Variants in IQGAP2 observed in about 807,000 individuals in gnomAD.
IQGAP2 encodes IQ motif containing GTPase activating protein 2.
Under a neutral mutation model 201.3 loss-of-function variants are expected in IQGAP2, and 173 were observed. The observed-to-expected ratio is 0.86, with a 90% CI of 0.76 to 0.98. The LOEUF (loss-of-function observed/expected upper bound fraction) is 0.98. IQGAP2 is among the 50% of genes least tolerant of loss of function. The probability of loss-of-function intolerance (pLI) is 0.00; values close to 1 mark genes in which losing one functional copy is unlikely to be tolerated. For synonymous variants in IQGAP2, 675 were observed against 673.9 expected, an observed-to-expected ratio of 1.00 and a Z score of -0.03; for missense variants, 1,687 against 1,864.8, an observed-to-expected ratio of 0.90 and a Z score of 1.76.
At chr5:76,635,291 A>C (rs896884150) in intron 15 of IQGAP2, among the ~76,000 whole-genome samples, 7 of 152,248 alleles carry the variant, frequency 4.6e-5, no homozygotes, top group Non-Finnish European at 5.9e-5. Flanking sequence ...GTTCTAACTT[A>C]GACTAAGCTA....
At chr5:76,488,683 C>T (rs914151020) in intron 2 of IQGAP2, among the ~76,000 whole-genome samples, 3 of 152,122 alleles carry the variant, frequency 2.0e-5, no homozygotes, top group African/African-American at 4.8e-5. Context: ...AAGGGAGGTA[C>T]GAAGATACAA....
chr5:76,644,409 C>CATGCCTCA (rs1751864241), intron 17 of IQGAP2, among the ~76,000 whole-genome samples: 3 of 148,972 alleles, frequency 2.0e-5, no homozygotes. Context: ...AAGTGATTCT[C>CATGCCTCA]ATGCCTCAGC....
Position 76,672,037 on chromosome 5 carries a change from A to G in IQGAP2, c.3068+54A>G, listed in dbSNP as rs35919076. 222,164 of 1,328,638 alleles carry G rather than the reference A, an allele frequency of 0.17. 19,880 individuals carry two copies. Among genetic ancestry groups the G allele is most frequent in the Middle Eastern group, 0.22 (1,150 of 5,256 alleles). 82.3% of individuals were successfully genotyped at this position (1,328,638 alleles called of 1,614,324 possible). On this transcript the variant is annotated intron_variant, in intron 24 of 35. Coordinates refer to ENST00000274364, the MANE Select transcript of IQGAP2 (RefSeq NM_006633.5). ...CTGTTATGTTTTATGATATTTTTAC[A>G]TGTGTATTTATTGATACTCTTAAAC...
intron 29 of IQGAP2, 96 bp downstream of exon 29, chr5:76,683,313 T>C (rs1020866637): frequency 1.4e-6 from 1 of 719,712 alleles, no homozygotes; most frequent in East Asian, 2.8e-5. Context: ...GATAAAACAA[T>C]TATTTTGGAA....
chr5:76,678,933 C>T (rs1273839770), intron 28 of IQGAP2, among the ~76,000 whole-genome samples: 2 of 152,146 alleles, frequency 1.3e-5, no homozygotes, highest in Non-Finnish European at 2.9e-5. Context: ...TTACATCAAG[C>T]TCTCAATACA....
At chr5:76,436,994 A>G (rs1274463334) in intron 1 of IQGAP2, among the ~76,000 whole-genome samples, 1 of 151,922 alleles carries the variant, frequency 6.6e-6, no homozygotes, top group Non-Finnish European at 1.5e-5. Context: ...TTATTGGCTT[A>G]TGTATGTTAA....
intron 2 of IQGAP2, among the ~76,000 whole-genome samples, chr5:76,493,189 G>A (rs756073735): frequency 5.9e-5 from 9 of 151,900 alleles, no homozygotes; most frequent in Admixed American, 1.3e-4. Context: ...GTCAGATCGC[G>A]TCACTTCTCT....
intron 1 of IQGAP2, among the ~76,000 whole-genome samples, chr5:76,438,031 GTTTGT>G (rs1752810314): frequency 6.4e-4 from 35 of 54,658 alleles, no homozygotes; most frequent in African/African-American, 1.4e-3. Flanking sequence ...TTTTTTTTTT[GTTTGT>G]TTTTTTTTTT....
At chr5:76,510,561 T>C (rs544889031) in intron 2 of IQGAP2, 130 of 458,624 alleles carry the variant, frequency 2.8e-4, no homozygotes, top group African/African-American at 2.2e-3. Flanking sequence ...GTATAGAGTC[T>C]CATGGACACG....
intron 13 of IQGAP2, chr5:76,618,171 C>G: frequency 6.2e-7 from 1 of 1,614,158 alleles, no homozygotes; most frequent in Non-Finnish European, 8.5e-7. Flanking sequence ...CAGAATGGAG[C>G]AGTACATGTT....
rs185892063 is a variant in IQGAP2 at position 76,508,848 on chromosome 5, G to T, written c.146+47179G>T. ...GTTCCACAAAATGACAAAACCATGC[G>T]GTCCCTTTTTTCTACCTGTTAATTT... is the stretch of plus-strand genomic sequence containing the variant. On this transcript the variant is annotated intron_variant, in intron 2 of 35. Coordinates refer to ENST00000274364, the MANE Select transcript of IQGAP2 (RefSeq NM_006633.5). Among the ~76,000 whole-genome samples, 44 of 152,096 alleles carry T rather than the reference G, an allele frequency of 2.9e-4. No homozygotes were observed. The South Asian group carries it at 8.3e-3, about 29-fold the overall frequency.
chr5:76,441,586 G>T (rs547701301), intron 1 of IQGAP2: 1 of 872,186 alleles, frequency 1.1e-6, no homozygotes, highest in Non-Finnish European at 1.4e-6. Flanking sequence ...GAATCTCAGC[G>T]GTATGTTTGG....
In IQGAP2 at chr5:76,522,729, T is replaced by C. The variant is rs115120162; in HGVS notation, c.147-39667T>C. 3.3e-3 allele frequency among the ~76,000 whole-genome samples: 503 copies of C among 152,308 alleles called. 2 individuals carry two copies. The highest frequency in any genetic ancestry group is 0.012 in the African/African-American group (482 of 41,556). On this transcript the variant is annotated intron_variant, in intron 2 of 35. Coordinates refer to ENST00000274364, the MANE Select transcript of IQGAP2 (RefSeq NM_006633.5). ...CCTATGTACCTTGATAGAGCAGAGATAGTATGGTAGAGTAGAAAGATCAAT... is the reference window on the plus strand; with the variant it reads ...CCTATGTACCTTGATAGAGCAGAGACAGTATGGTAGAGTAGAAAGATCAAT...
At chr5:76,479,760 A>T (rs985927045) in intron 2 of IQGAP2, among the ~76,000 whole-genome samples, 12 of 152,192 alleles carry the variant, frequency 7.9e-5, no homozygotes, top group Admixed American at 1.3e-4. Flanking sequence ...CTGCAATCTG[A>T]AACACACCAA....
At chr5:76,520,883 A>G (rs1758643246) in intron 2 of IQGAP2, among the ~76,000 whole-genome samples, 1 of 150,722 alleles carries the variant, frequency 6.6e-6, no homozygotes, top group African/African-American at 2.4e-5. Context: ...AATTTTTTGT[A>G]TTTTTAGTAG....
chr5:76,468,873 C>T (rs939656842), intron 2 of IQGAP2, among the ~76,000 whole-genome samples: 12 of 152,182 alleles, frequency 7.9e-5, no homozygotes, highest in Admixed American at 2.6e-4. Flanking sequence ...CTCACTTTTT[C>T]AGGGTATCCT....
chr5:76,444,544 C>T (rs542974663), intron 1 of IQGAP2, among the ~76,000 whole-genome samples: 127 of 152,300 alleles, frequency 8.3e-4, no homozygotes, highest in Non-Finnish European at 1.5e-3. Flanking sequence ...GGTGATCCGC[C>T]CACCTTGGCC....
At chr5:76,561,088 A>G (rs1744332023) in intron 2 of IQGAP2, among the ~76,000 whole-genome samples, 1 of 152,178 alleles carries the variant, frequency 6.6e-6, no homozygotes, top group Non-Finnish European at 1.5e-5. Flanking sequence ...AAGGGATGGG[A>G]GTGGGATAGC....
chr5:76,430,318 G>C (rs1300694628), intron 1 of IQGAP2, among the ~76,000 whole-genome samples: 1 of 152,148 alleles, frequency 6.6e-6, no homozygotes, highest in South Asian at 2.1e-4. Context: ...TGAAACTGCT[G>C]GGGGCTGGAA....
Sources: allele counts gnomAD v4.1 joint callset (sites outside exome capture counted in the v4.1 genomes callset), GRCh38; gene constraint gnomAD v4.1.1; transcripts MANE v1.5; gene names NCBI Gene and HGNC (gene_info 2026-07-23, HGNC 2026-07-21).